Variants in KLF12 observed in about 807,000 individuals in gnomAD.
The protein encoded by KLF12 is KLF transcription factor 12, also known as Krueppel-like factor 12.
A neutral mutation model predicts 37.8 loss-of-function variants in KLF12; 9 were observed. The observed-to-expected ratio is 0.24, with a 90% CI of 0.14 to 0.42. KLF12 has a LOEUF of 0.42. Among genes scored for constraint, KLF12 ranks in the 10% least tolerant of loss-of-function variants. The probability of loss-of-function intolerance (pLI) is 1.00; values close to 1 mark genes in which losing one functional copy is unlikely to be tolerated. For missense variants in KLF12, 411 were observed against 516.0 expected (o/e 0.80, Z 1.97); for synonymous variants, 208 against 202.1 (o/e 1.03, Z -0.25).
At chr13:74,023,977 T>A (rs1174653424) in intron 1 of KLF12, among the ~76,000 whole-genome samples, 1 of 152,212 alleles carries the variant, frequency 6.6e-6, no homozygotes. Flanking sequence ...CTAACAGTTT[T>A]ATCACCACCA....
intron 1 of KLF12, among the ~76,000 whole-genome samples, chr13:74,038,129 T>C (rs575818697): frequency 1.1e-4 from 17 of 152,330 alleles, no homozygotes; most frequent in African/African-American, 4.1e-4. Flanking sequence ...CTGTGGATTA[T>C]ACCAATGTCA....
chr13:74,059,959 A>G (rs1385923513), intron 1 of KLF12, among the ~76,000 whole-genome samples: 1 of 152,186 alleles, frequency 6.6e-6, no homozygotes, highest in Non-Finnish European at 1.5e-5. Flanking sequence ...ACAGGGGTCC[A>G]GTGTCATTCT....
At chr13:74,232,784 A>C in the KLF12 span, among the ~76,000 whole-genome samples, 13,274 of 152,310 alleles carry the variant, frequency 0.087, 794 homozygotes, top group Non-Finnish European at 0.13. Context: ...CAACAACAAC[A>C]AAAAAGTGTT....
chr13:74,048,294 T>C (rs868116589), intron 1 of KLF12, among the ~76,000 whole-genome samples: 1 of 152,198 alleles, frequency 6.6e-6, no homozygotes, highest in Non-Finnish European at 1.5e-5. Flanking sequence ...AAAATTCTAT[T>C]GTCACGGAAG....
the KLF12 span, among the ~76,000 whole-genome samples, chr13:74,235,111 G>C: frequency 6.6e-6 from 1 of 152,146 alleles, no homozygotes; most frequent in Admixed American, 6.5e-5. Flanking sequence ...TTGTCAACTC[G>C]TGAAGGCAGA....
rs1277130779 is a variant in KLF12, at chr13:73,688,081, G to T, written c.*7409C>A. ...ATCTCTTTCCCCAGCCAAGTAACAG[G>T]GAGAAAGATAATAATTCAGGAGATT... On this transcript the variant is annotated 3_prime_UTR_variant, in exon 8 of 8. Coordinates refer to ENST00000377669, the MANE Select transcript of KLF12 (RefSeq NM_007249.5). The T allele has an allele frequency of 6.6e-6, 1 of 152,520 alleles. No individual in the cohort carries two copies. The highest frequency in any genetic ancestry group is 1.9e-4 in the East Asian group (1 of 5,180). 9.4% of individuals were successfully genotyped at this position (152,520 alleles called of 1,614,324 possible).
chr13:73,992,045 T>C (rs945021930), intron 2 of KLF12, among the ~76,000 whole-genome samples: 2 of 151,990 alleles, frequency 1.3e-5, no homozygotes, highest in African/African-American at 4.8e-5. Context: ...CAGCTGTTCA[T>C]CAGAGGTAGT....
At chr13:74,281,750 G>A in the KLF12 span, among the ~76,000 whole-genome samples, 1 of 152,034 alleles carries the variant, frequency 6.6e-6, no homozygotes, top group Non-Finnish European at 1.5e-5. Flanking sequence ...GAAGATTGTT[G>A]CAATCTTCTC....
At chr13:74,235,080 T>C in the KLF12 span, among the ~76,000 whole-genome samples, 1 of 152,314 alleles carries the variant, frequency 6.6e-6, no homozygotes, top group Non-Finnish European at 1.5e-5. Context: ...TGGTTTTTGA[T>C]GAGACAGTTT....
intron 6 of KLF12, among the ~76,000 whole-genome samples, chr13:73,735,692 G>A (rs1362721670): frequency 6.6e-6 from 1 of 152,146 alleles, no homozygotes. Flanking sequence ...AAGGAAGAAT[G>A]GTAGCTCATC....
At chr13:73,701,195 C>A (rs1217921579) in intron 7 of KLF12, among the ~76,000 whole-genome samples, 1 of 152,168 alleles carries the variant, frequency 6.6e-6, no homozygotes, top group African/African-American at 2.4e-5. Flanking sequence ...CCTCCCAGGG[C>A]CTGGGCTGCT....
At chr13:74,065,631 C>A (rs1270418633) in intron 1 of KLF12, among the ~76,000 whole-genome samples, 1 of 151,980 alleles carries the variant, frequency 6.6e-6, no homozygotes. Context: ...ACACAGAATC[C>A]AGGGACAGAG....
intron 1 of KLF12, among the ~76,000 whole-genome samples, chr13:74,112,253 G>A (rs1011214288): frequency 8.0e-5 from 12 of 149,268 alleles, no homozygotes; most frequent in Admixed American, 5.4e-4. Flanking sequence ...GTGACCTTAT[G>A]TGGCTAGAAA....
At chr13:74,030,863 A>G (rs1052451754) in intron 1 of KLF12, among the ~76,000 whole-genome samples, 4 of 152,136 alleles carry the variant, frequency 2.6e-5, no homozygotes, top group South Asian at 2.1e-4. Context: ...ATCTTGACTA[A>G]TATCAGAGGT....
chr13:74,191,972 T>C, the KLF12 span, among the ~76,000 whole-genome samples: 1 of 152,148 alleles, frequency 6.6e-6, no homozygotes, highest in Non-Finnish European at 1.5e-5. Context: ...TTTTCTCCTT[T>C]CACTTCAAAT....
intron 3 of KLF12, among the ~76,000 whole-genome samples, chr13:73,871,519 G>A (rs1886463967): frequency 6.6e-6 from 1 of 152,140 alleles, no homozygotes; most frequent in African/African-American, 2.4e-5. Flanking sequence ...CACCAGGAAT[G>A]CACATTCTAA....
intron 3 of KLF12, among the ~76,000 whole-genome samples, chr13:73,908,838 A>C (rs1251606614): frequency 1.3e-5 from 2 of 152,110 alleles, no homozygotes; most frequent in African/African-American, 4.8e-5. Context: ...TCTCTATGCT[A>C]TCTGCCCCAC....
chr13:74,119,202 A>C (rs1438378785), intron 1 of KLF12, among the ~76,000 whole-genome samples: 5 of 152,028 alleles, frequency 3.3e-5, no homozygotes, highest in African/African-American at 9.7e-5. Context: ...GTGTGGTGGC[A>C]CGTGCCTGTA....
chr13:74,168,305 C>T, the KLF12 span, among the ~76,000 whole-genome samples: 1 of 152,248 alleles, frequency 6.6e-6, no homozygotes, highest in African/African-American at 2.4e-5. Context: ...AGCTGCTCTG[C>T]AGCCTGCTCC....
Sources: allele counts gnomAD v4.1 joint callset (sites outside exome capture counted in the v4.1 genomes callset), GRCh38; gene constraint gnomAD v4.1.1; transcripts MANE v1.5; gene names NCBI Gene and HGNC (gene_info 2026-07-23, HGNC 2026-07-21).